SH3RF3: variants seen among roughly 807,000 people sequenced by gnomAD.
SH3RF3 encodes SH3 domain containing ring finger 3.
SH3RF3 carries 29 observed loss-of-function variants against 66.3 expected under a neutral mutation model. The observed-to-expected ratio is 0.44, with a 90% confidence interval of 0.33 to 0.60. SH3RF3 has a LOEUF of 0.60. SH3RF3 is among the 20% of genes least tolerant of loss of function. SH3RF3 has a pLI of 0.04. For synonymous variants in SH3RF3, 583 were observed against 532.0 expected (o/e 1.10, Z -1.32); for missense variants, 1,194 against 1,190.9 (o/e 1.00, Z -0.04).
chr2:109,447,969 G>C (rs1677756218), intron 7 of SH3RF3, among the ~76,000 whole-genome samples: 1 of 152,196 alleles, frequency 6.6e-6, no homozygotes, highest in African/African-American at 2.4e-5. Flanking sequence ...GATGGCAGCA[G>C]GGTGGTGGGC....
intron 1 of SH3RF3, among the ~76,000 whole-genome samples, chr2:109,169,881 A>C (rs1314094802): frequency 1.3e-5 from 2 of 152,112 alleles, no homozygotes; most frequent in East Asian, 3.9e-4. Flanking sequence ...GCTCCCTCCC[A>C]CTGGCACCTG....
At chr2:109,307,656 G>A (rs1458543635) in intron 1 of SH3RF3, among the ~76,000 whole-genome samples, 1 of 141,406 alleles carries the variant, frequency 7.1e-6, no homozygotes, top group African/African-American at 2.8e-5. Flanking sequence ...TCCCACCTAT[G>A]AGTGAGAATA....
chr2:109,170,111 G>A (rs1428787583), intron 1 of SH3RF3, among the ~76,000 whole-genome samples: 1 of 152,062 alleles, frequency 6.6e-6, no homozygotes, highest in Non-Finnish European at 1.5e-5. Flanking sequence ...AGTTTCCTTA[G>A]GCTATGAAGG....
At chr2:109,187,827 C>T (rs1678232945) in intron 1 of SH3RF3, among the ~76,000 whole-genome samples, 1 of 152,230 alleles carries the variant, frequency 6.6e-6, no homozygotes, top group African/African-American at 2.4e-5. Context: ...GCCATTGTGA[C>T]CAGGACCCCA....
intron 2 of SH3RF3, among the ~76,000 whole-genome samples, chr2:109,351,756 G>A (rs968142556): frequency 2.6e-5 from 4 of 152,208 alleles, no homozygotes; most frequent in African/African-American, 9.6e-5. Flanking sequence ...TACCAGGTGT[G>A]CCATGTGAAG....
intron 1 of SH3RF3, among the ~76,000 whole-genome samples, chr2:109,213,707 C>G (rs1679044634): frequency 6.6e-6 from 1 of 152,182 alleles, no homozygotes; most frequent in Non-Finnish European, 1.5e-5. Context: ...CGTGTCAGAG[C>G]CTGGCCTTTA....
chr2:109,236,266 T>G (rs1455890842), intron 1 of SH3RF3, among the ~76,000 whole-genome samples: 1 of 152,188 alleles, frequency 6.6e-6, no homozygotes, highest in Non-Finnish European at 1.5e-5. Flanking sequence ...CAAATTCCCC[T>G]CGGTCCTAAA....
At chr2:109,139,861 T>C (rs773061378) in intron 1 of SH3RF3, among the ~76,000 whole-genome samples, 119 of 152,350 alleles carry the variant, frequency 7.8e-4, no homozygotes, top group Non-Finnish European at 1.0e-3. Context: ...GTTTGACATC[T>C]GGAGTCGTGT....
chr2:109,346,373 T>C lies in SH3RF3; in HGVS notation c.574-1301T>C, dbSNP rs905086568. On this transcript the variant is annotated intron_variant, in intron 1 of 9. Transcript: ENST00000309415. ...AAGTCCTCTACAAAGAGTTTTTCGA[T>C]GTACTACTGCTTCAGGCTTTTGTGC... Among the ~76,000 whole-genome samples the C allele has an allele frequency of 5.3e-5, 8 of 152,224 alleles. No homozygotes were observed. The South Asian group carries it at 6.2e-4, about 12-fold the overall frequency.
chr2:109,198,752 C>G (rs1272082928), intron 1 of SH3RF3, among the ~76,000 whole-genome samples: 1 of 152,148 alleles, frequency 6.6e-6, no homozygotes, highest in East Asian at 1.9e-4. Flanking sequence ...ATCACCTTCC[C>G]AAAGGCCTCA....
At chr2:109,187,808 C>G (rs970266312) in intron 1 of SH3RF3, among the ~76,000 whole-genome samples, 10 of 152,242 alleles carry the variant, frequency 6.6e-5, no homozygotes, top group African/African-American at 2.2e-4. Context: ...CCCTCTGACA[C>G]CATCCTCTGC....
chr2:109,149,374 A>G (rs1329547061), intron 1 of SH3RF3, among the ~76,000 whole-genome samples: 2 of 152,168 alleles, frequency 1.3e-5, no homozygotes, highest in Non-Finnish European at 2.9e-5. Context: ...TCTGGCAGAG[A>G]CTTTCGTTAT....
At chr2:109,155,646 T>G (rs191816339) in intron 1 of SH3RF3, among the ~76,000 whole-genome samples, 163 of 152,282 alleles carry the variant, frequency 1.1e-3, no homozygotes, top group Non-Finnish European at 1.7e-3. Context: ...GTGATTTATT[T>G]CAAGCAGTGC....
At chr2:109,250,600 G>A (rs1002017716) in intron 1 of SH3RF3, among the ~76,000 whole-genome samples, 7 of 151,478 alleles carry the variant, frequency 4.6e-5, no homozygotes, top group African/African-American at 1.7e-4. Flanking sequence ...AATAATAACA[G>A]TAATAATAAT....
intron 1 of SH3RF3, among the ~76,000 whole-genome samples, chr2:109,194,097 C>G (rs1678435874): frequency 6.6e-6 from 1 of 152,230 alleles, no homozygotes; most frequent in African/African-American, 2.4e-5. Context: ...TAAAAACTCC[C>G]CAAGACGCTG....
At chr2:109,355,970 G>C (rs995961866) in intron 2 of SH3RF3, among the ~76,000 whole-genome samples, 9 of 152,184 alleles carry the variant, frequency 5.9e-5, no homozygotes, top group Non-Finnish European at 1.3e-4. Context: ...CCCTGGTCCT[G>C]CATTGGGGGT....
rs1259871435 is a variant in SH3RF3, at chr2:109,130,100, C to T, written c.560C>T (p.Ala187Val). 8 of 1,335,218 alleles carry T rather than the reference C, an allele frequency of 6.0e-6. No individual in the cohort carries two copies. The highest frequency in any genetic ancestry group is 6.7e-6 in the Non-Finnish European group (7 of 1,046,762). The allele number at this position is 1,335,218 out of a possible 1,614,324, so 82.7% of individuals were successfully genotyped here. Residue 187 changes from alanine to valine, a missense_variant, in exon 1 of 10, where the codon GCG becomes GTG. Transcript: ENST00000309415. ...CGGGAGCTGGCGACCAGCAGGACCG[C>T]GCCGGCGGCAAAGGTGAGTATCTGT... is the stretch of plus-strand genomic sequence containing the variant. ...SLRELATSRT[A>V]PAAKNPCLLP...
At chr2:109,200,755 C>T (rs1678650818) in intron 1 of SH3RF3, among the ~76,000 whole-genome samples, 1 of 152,214 alleles carries the variant, frequency 6.6e-6, no homozygotes, top group South Asian at 2.1e-4. Flanking sequence ...CCCTCATGCC[C>T]ACTCCATGAC....
intron 9 of SH3RF3, among the ~76,000 whole-genome samples, chr2:109,493,281 A>T (rs1679178125): frequency 7.3e-6 from 1 of 137,182 alleles, no homozygotes; most frequent in South Asian, 2.3e-4. Context: ...CACGTACACC[A>T]TAGAAACACA....
Sources: gnomAD v4.1 joint callset for allele counts (sites outside exome capture counted in the v4.1 genomes callset) on GRCh38, gnomAD v4.1.1 for gene constraint, MANE v1.5 for transcripts, NCBI Gene and HGNC (gene_info 2026-07-23, HGNC 2026-07-21) for gene names.